FUT8: variants seen among roughly 807,000 people sequenced by gnomAD.
FUT8 encodes the protein alpha-(1,6)-fucosyltransferase.
Under a neutral mutation model 71.3 loss-of-function variants are expected in FUT8, and 29 were observed. The observed-to-expected ratio is 0.41, with a 90% CI of 0.30 to 0.55. FUT8 has a LOEUF of 0.55. Ranked by LOEUF, FUT8 falls within the 20% of genes least tolerant of loss-of-function variation. FUT8 has a pLI of 0.34. For synonymous variants in FUT8, 254 were observed against 239.3 expected, an observed-to-expected ratio of 1.06 and a Z score of -0.57; for missense variants, 544 against 702.1, an observed-to-expected ratio of 0.77 and a Z score of 2.55.
At chr14:65,516,495 A>G (rs1394943567) in intron 2 of FUT8, 2 of 152,188 alleles carry the variant, frequency 1.3e-5, no homozygotes, top group East Asian at 3.8e-4. Context: ...TAAATGGATT[A>G]AAGATATTGC....
At chr14:65,531,276 C>T (rs1175525325) in intron 2 of FUT8, among the ~76,000 whole-genome samples, 1 of 151,822 alleles carries the variant, frequency 6.6e-6, no homozygotes, top group Non-Finnish European at 1.5e-5. Context: ...TAGCTTCATT[C>T]TTTATTATTT....
the FUT8 span, among the ~76,000 whole-genome samples, chr14:65,404,692 C>G: frequency 6.6e-6 from 1 of 152,040 alleles, no homozygotes; most frequent in Non-Finnish European, 1.5e-5. Flanking sequence ...TCAAGATGGT[C>G]TCGATCTCTT....
At chr14:65,526,844 A>C (rs1883508016) in intron 2 of FUT8, among the ~76,000 whole-genome samples, 1 of 152,074 alleles carries the variant, frequency 6.6e-6, no homozygotes, top group South Asian at 2.1e-4. Flanking sequence ...CTGGATATGA[A>C]ATTCTGGGTT....
chr14:65,572,553 G>A (rs1886537822), intron 3 of FUT8, among the ~76,000 whole-genome samples: 1 of 151,896 alleles, frequency 6.6e-6, no homozygotes, highest in African/African-American at 2.4e-5. Flanking sequence ...CACAGAAAAT[G>A]TGCAACAATC....
chr14:65,401,125 C>T, the FUT8 span, among the ~76,000 whole-genome samples: 1 of 152,108 alleles, frequency 6.6e-6, no homozygotes, highest in Non-Finnish European at 1.5e-5. Context: ...CCAAATCCAA[C>T]AATTATTGGA....
chr14:65,460,139 C>T (rs1232331484), intron 2 of FUT8, among the ~76,000 whole-genome samples: 1 of 152,144 alleles, frequency 6.6e-6, no homozygotes, highest in Non-Finnish European at 1.5e-5. Flanking sequence ...CTCTAAGAAT[C>T]TTTTTAGTCT....
rs550653003 is a variant in FUT8, at chr14:65,732,358, G to A, written c.1260-873G>A. On this transcript the variant is annotated intron_variant, in intron 9 of 10. Coordinates refer to ENST00000673929, the MANE Select transcript of FUT8 (RefSeq NM_001371533.1). ...CATGTATTTATTCACTCAGCATTGTGTGGAGTGCTAGATGCTGTGATGCAA... is the reference window on the plus strand; with the variant it reads ...CATGTATTTATTCACTCAGCATTGTATGGAGTGCTAGATGCTGTGATGCAA... Among the ~76,000 whole-genome samples, 8 of 152,306 alleles carry A rather than the reference G, an allele frequency of 5.3e-5. No individual in the cohort carries two copies. In the East Asian group the frequency reaches 1.5e-3, roughly 29 times the overall value.
In FUT8 at chr14:65,683,831, T is replaced by G. The variant is rs556482601; in HGVS notation, c.835+14351T>G. Reference sequence around the variant, plus strand: ...TATTATGTCTATATTCATGACATTTTTTTAAAATCTGATAATAGCTTCAAG... The same window carrying G: ...TATTATGTCTATATTCATGACATTTGTTTAAAATCTGATAATAGCTTCAAG... On this transcript the variant is annotated intron_variant, in intron 7 of 10. Coordinates refer to ENST00000673929, the MANE Select transcript of FUT8 (RefSeq NM_001371533.1). 3.3e-5 allele frequency among the ~76,000 whole-genome samples: 5 copies of G among 152,186 alleles called. No individual in the cohort carries two copies. In the South Asian group the frequency reaches 1.0e-3, roughly 32 times the overall value.
intron 2 of FUT8, among the ~76,000 whole-genome samples, chr14:65,513,003 G>A (rs1488313157): frequency 2.0e-5 from 3 of 152,030 alleles, no homozygotes; most frequent in Non-Finnish European, 4.4e-5. Context: ...TTAGAGCTAG[G>A]CTAGTGGGGA....
intron 2 of FUT8, among the ~76,000 whole-genome samples, chr14:65,490,637 A>G (rs750511421): frequency 6.6e-6 from 1 of 152,158 alleles, no homozygotes; most frequent in African/African-American, 2.4e-5. Flanking sequence ...CTTAATTTTT[A>G]GAGAAAGACC....
intron 7 of FUT8, among the ~76,000 whole-genome samples, chr14:65,696,284 A>C (rs1893993546): frequency 6.6e-6 from 1 of 152,236 alleles, no homozygotes; most frequent in African/African-American, 2.4e-5. Flanking sequence ...GAAATTCTTA[A>C]TTATCCTTCA....
At chr14:65,639,288 T>G (rs773438928) in intron 6 of FUT8, among the ~76,000 whole-genome samples, 1 of 152,162 alleles carries the variant, frequency 6.6e-6, no homozygotes, top group Non-Finnish European at 1.5e-5. Flanking sequence ...TAAAAACAAC[T>G]TTATCTTGAA....
intron 5 of FUT8, among the ~76,000 whole-genome samples, chr14:65,617,774 T>G (rs1297223461): frequency 6.6e-6 from 1 of 151,838 alleles, no homozygotes; most frequent in Non-Finnish European, 1.5e-5. Context: ...TGAAACCCCG[T>G]CTCTACCAAA....
intron 5 of FUT8, among the ~76,000 whole-genome samples, chr14:65,623,705 G>C (rs557758249): frequency 1.3e-5 from 2 of 152,230 alleles, no homozygotes; most frequent in South Asian, 2.1e-4. Flanking sequence ...GCGACAGAGA[G>C]AGACTCTGTC....
chr14:65,615,805 A>G (rs1303991316), intron 3 of FUT8, among the ~76,000 whole-genome samples, 173 bp from the exon 4 acceptor site: 1 of 152,178 alleles, frequency 6.6e-6, no homozygotes, highest in Non-Finnish European at 1.5e-5. Flanking sequence ...TTCATTGTCC[A>G]TTTCACTGGT....
chr14:65,370,201 C>CTTTTTT, the FUT8 span, among the ~76,000 whole-genome samples: 1 of 58,442 alleles, frequency 1.7e-5, no homozygotes, highest in Non-Finnish European at 3.0e-5. Context: ...CACACATAGT[C>CTTTTTT]TTTTTTTTTT....
At chr14:65,609,521 C>G (rs1888766909) in intron 3 of FUT8, among the ~76,000 whole-genome samples, 1 of 151,760 alleles carries the variant, frequency 6.6e-6, no homozygotes, top group African/African-American at 2.4e-5. Flanking sequence ...GCTAAATTAT[C>G]TTTGTGACTT....
Position 65,616,267 on chromosome 14 carries a change from C to T in FUT8, c.376C>T (p.Leu126Phe), listed in dbSNP as rs1889281052. The change falls in exon 5 of 11, where the codon CTC becomes TTC. Residue 126 changes from leucine to phenylalanine, a missense_variant. Transcript: ENST00000673929. ...RRRIENGAKELWFFLQSELKK... is the reference protein window; with the variant it reads ...RRRIENGAKEFWFFLQSELKK... ...GAGGATTGAAAATGGAGCTAAAGAG[C>T]TCTGGTTTTTCCTACAGAGTGAATT... is the stretch of plus-strand genomic sequence containing the variant. 6.2e-7 allele frequency: 1 copy of T among 1,612,896 alleles called. No individual in the cohort carries two copies. Among genetic ancestry groups the T allele is most frequent in the Admixed American group, 1.7e-5 (1 of 59,768 alleles).
intron 7 of FUT8, among the ~76,000 whole-genome samples, chr14:65,690,587 T>C (rs1291427701): frequency 6.6e-6 from 1 of 152,152 alleles, no homozygotes. Flanking sequence ...CATATAGAGC[T>C]CATAATGTAT....
Sources: allele counts gnomAD v4.1 joint callset (sites outside exome capture counted in the v4.1 genomes callset), GRCh38; gene constraint gnomAD v4.1.1; transcripts MANE v1.5; gene names NCBI Gene and HGNC (gene_info 2026-07-23, HGNC 2026-07-21).